PAPPA2: variants seen among roughly 807,000 people sequenced by gnomAD.
The protein encoded by PAPPA2 is pappalysin-2.
Under a neutral mutation model 176.4 loss-of-function variants are expected in PAPPA2, and 86 were observed. The ratio of observed to expected loss-of-function variants is 0.49; its 90% CI spans 0.41 to 0.58. The LOEUF (loss-of-function observed/expected upper bound fraction) is 0.58, where lower values mean the gene tolerates loss of function less well. Among genes scored for constraint, PAPPA2 ranks in the 20% least tolerant of loss-of-function variants. The pLI is 0.00. For missense variants in PAPPA2, 2,073 were observed against 2,256.9 expected (o/e 0.92, Z 1.65); for synonymous variants, 809 against 852.2 (o/e 0.95, Z 0.88).
chr1:176,622,038 C>T (rs1388355913), intron 3 of PAPPA2, among the ~76,000 whole-genome samples: 2 of 151,948 alleles, frequency 1.3e-5, no homozygotes, highest in African/African-American at 2.4e-5. Context: ...TCATGGTGTT[C>T]TCTGCCCAGA....
At chr1:176,549,743 C>T (rs569720107) in intron 1 of PAPPA2, among the ~76,000 whole-genome samples, 1 of 152,278 alleles carries the variant, frequency 6.6e-6, no homozygotes, top group Non-Finnish European at 1.5e-5. Context: ...AGCAATGTCA[C>T]ACAATCTTTT....
At chr1:176,498,121 C>A (rs1361429494) in intron 1 of PAPPA2, among the ~76,000 whole-genome samples, 1 of 152,146 alleles carries the variant, frequency 6.6e-6, no homozygotes, top group South Asian at 2.1e-4. Flanking sequence ...TCCCATTATT[C>A]TTTTCAACTC....
At chr1:176,816,152 G>GTACA (rs1553209435) in intron 21 of PAPPA2, among the ~76,000 whole-genome samples, 5 of 42,280 alleles carry the variant, frequency 1.2e-4, no homozygotes, top group African/African-American at 4.0e-4. Context: ...CTTTCACAGT[G>GTACA]TATATATATA....
At chr1:176,545,817 A>G (rs1440737531) in intron 1 of PAPPA2, among the ~76,000 whole-genome samples, 1 of 152,206 alleles carries the variant, frequency 6.6e-6, no homozygotes, top group African/African-American at 2.4e-5. Context: ...ACTCTTTTTC[A>G]GTCATAATTA....
At chr1:176,652,042 T>A (rs1657754709) in intron 3 of PAPPA2, among the ~76,000 whole-genome samples, 1 of 151,654 alleles carries the variant, frequency 6.6e-6, no homozygotes, top group African/African-American at 2.4e-5. Context: ...ATTTCTGAAT[T>A]TTTTTCTGTG....
intron 17 of PAPPA2, among the ~76,000 whole-genome samples, chr1:176,780,900 ATT>A (rs1229713932): frequency 1.3e-5 from 2 of 152,284 alleles, no homozygotes; most frequent in African/African-American, 4.8e-5. Flanking sequence ...GAGAATTGAT[ATT>A]TGGACTTTGT....
intron 17 of PAPPA2, among the ~76,000 whole-genome samples, chr1:176,782,506 G>A (rs1398897333): frequency 2.6e-5 from 4 of 152,198 alleles, no homozygotes; most frequent in East Asian, 1.9e-4. Context: ...GCTTAGATAG[G>A]AAGAAAGAAA....
At chr1:176,809,615 A>G (rs892346026) in intron 21 of PAPPA2, among the ~76,000 whole-genome samples, 5 of 152,268 alleles carry the variant, frequency 3.3e-5, no homozygotes, top group South Asian at 2.1e-4. Flanking sequence ...GCAGAGGCCA[A>G]TATATAACTC....
chr1:176,749,085 C>CATTGGTGGTCATACACATACAA (rs1379039760), intron 14 of PAPPA2, among the ~76,000 whole-genome samples: 4 of 3,648 alleles, frequency 1.1e-3, no homozygotes, highest in Non-Finnish European at 2.7e-3. Flanking sequence ...TACACATACA[C>CATTGGTGGTCATACACATACAA]CAATGTGGTC....
intron 1 of PAPPA2, among the ~76,000 whole-genome samples, chr1:176,473,377 T>C (rs999874204): frequency 7.2e-5 from 11 of 152,190 alleles, no homozygotes; most frequent in African/African-American, 9.6e-5. Flanking sequence ...CATTTCTTTT[T>C]TTAGTACTGA....
At chr1:176,627,271 A>G (rs1427493515) in intron 3 of PAPPA2, among the ~76,000 whole-genome samples, 3 of 152,192 alleles carry the variant, frequency 2.0e-5, no homozygotes, top group Non-Finnish European at 1.5e-5. Flanking sequence ...ATAAATAACT[A>G]TTTCTGAAAA....
intron 1 of PAPPA2, among the ~76,000 whole-genome samples, chr1:176,543,289 C>T (rs561462004): frequency 7.9e-4 from 120 of 152,216 alleles, no homozygotes; most frequent in South Asian, 3.1e-3. Context: ...TCCATGCTGT[C>T]CCCAGCCCTG....
chr1:176,655,632 G>C (rs575427772), intron 3 of PAPPA2, among the ~76,000 whole-genome samples: 13 of 151,932 alleles, frequency 8.6e-5, no homozygotes, highest in African/African-American at 2.9e-4. Flanking sequence ...TAAAAATAAT[G>C]TGTACACATG....
At chr1:176,755,491 T>A (rs1663371797) in intron 14 of PAPPA2, among the ~76,000 whole-genome samples, 1 of 152,232 alleles carries the variant, frequency 6.6e-6, no homozygotes, top group Non-Finnish European at 1.5e-5. Flanking sequence ...ACTCTTCATG[T>A]TTCACAATTT....
intron 14 of PAPPA2, among the ~76,000 whole-genome samples, chr1:176,741,983 C>T (rs144730186): frequency 5.3e-5 from 8 of 152,270 alleles, no homozygotes; most frequent in African/African-American, 1.9e-4. Context: ...CTGGTGACTG[C>T]CTTCTAATCT....
intron 3 of PAPPA2, among the ~76,000 whole-genome samples, chr1:176,659,002 A>G (rs935372964): frequency 6.6e-6 from 1 of 152,050 alleles, no homozygotes; most frequent in Admixed American, 6.6e-5. Context: ...ATTCTATAGA[A>G]TTTAGTAAAT....
chr1:176,839,960 G>A (rs1406246162), intron 21 of PAPPA2, among the ~76,000 whole-genome samples: 1 of 152,158 alleles, frequency 6.6e-6, no homozygotes, highest in Non-Finnish European at 1.5e-5. Context: ...CAGGAGCAGT[G>A]CTGCCAGTGA....
At chr1:176,701,567 CA>C (rs1430314432) in intron 8 of PAPPA2, among the ~76,000 whole-genome samples, 3 of 152,170 alleles carry the variant, frequency 2.0e-5, no homozygotes, top group Non-Finnish European at 4.4e-5. Flanking sequence ...TAAAAGCCAG[CA>C]CAGAGGTTTT....
At chr1:176,570,051 T>C (rs2102611756) in intron 2 of PAPPA2, among the ~76,000 whole-genome samples, 1 of 152,368 alleles carries the variant, frequency 6.6e-6, no homozygotes, top group African/African-American at 2.4e-5. Context: ...TTTCAGAAAT[T>C]ATCTTTTCTA....
Sources: gnomAD v4.1 joint callset for allele counts (sites outside exome capture counted in the v4.1 genomes callset) on GRCh38, gnomAD v4.1.1 for gene constraint, MANE v1.5 for transcripts, NCBI Gene and HGNC (gene_info 2026-07-23, HGNC 2026-07-21) for gene names.